FAM184A: variants seen among roughly 807,000 people sequenced by gnomAD.
The protein encoded by FAM184A is family with sequence similarity 184 member A, also known as protein FAM184A.
A neutral mutation model predicts 143.8 loss-of-function variants in FAM184A; 99 were observed. The observed-to-expected ratio is 0.69, with a 90% CI of 0.58 to 0.81. The LOEUF (loss-of-function observed/expected upper bound fraction) is 0.81, where lower values mean the gene tolerates loss of function less well. Ranked by LOEUF, FAM184A falls within the 40% of genes least tolerant of loss-of-function variation. The probability of loss-of-function intolerance (pLI) is 0.00; values close to 1 mark genes in which losing one functional copy is unlikely to be tolerated. For synonymous variants in FAM184A, 427 were observed against 446.4 expected (o/e 0.96, Z 0.55); for missense variants, 1,217 against 1,310.5 (o/e 0.93, Z 1.10).
At chr6:119,081,109 G>A (rs1396613660), upstream of FAM184A, among the ~76,000 whole-genome samples, 1 of 152,176 alleles carries the variant, frequency 6.6e-6, no homozygotes, top group East Asian at 1.9e-4. Context: ...ACCCATTCAT[G>A]AGAACTTTGC....
intron 1 of FAM184A, among the ~76,000 whole-genome samples, chr6:119,058,621 T>C (rs991695233): frequency 6.6e-6 from 1 of 152,202 alleles, no homozygotes; most frequent in South Asian, 2.1e-4. Flanking sequence ...TGGCAGCTTC[T>C]TTCTCAGTTT....
intron 14 of FAM184A, among the ~76,000 whole-genome samples, chr6:118,968,037 C>T (rs1009308214): frequency 9.9e-5 from 15 of 152,048 alleles, no homozygotes; most frequent in Non-Finnish European, 2.1e-4. Flanking sequence ...CATATTAGGC[C>T]CTCTATCCAG....
intron 6 of FAM184A, 192 bp downstream of exon 6, chr6:119,011,117 T>C (rs1785075223): frequency 2.0e-6 from 1 of 496,544 alleles, no homozygotes; most frequent in South Asian, 2.7e-5. Flanking sequence ...TTTAATGTTT[T>C]TGACAGTAAA....
chr6:119,145,948 GA>G (rs1313462154), intron 1 of FAM184A, among the ~76,000 whole-genome samples: 1 of 152,128 alleles, frequency 6.6e-6, no homozygotes, highest in East Asian at 1.9e-4. Context: ...GCTAGAAGTT[GA>G]ACCGAGGCAA....
intron 9 of FAM184A, among the ~76,000 whole-genome samples, chr6:118,980,561 TTTAG>T (rs1177366916): frequency 6.6e-6 from 1 of 152,194 alleles, no homozygotes; most frequent in Non-Finnish European, 1.5e-5. Context: ...CTGAAAATAG[TTTAG>T]TTATATTGTT....
At chr6:119,034,041 T>TAGAGAGAGAGAG (rs57162948) in intron 1 of FAM184A, among the ~76,000 whole-genome samples, 7 of 42,002 alleles carry the variant, frequency 1.7e-4, no homozygotes, top group African/African-American at 7.4e-4. Context: ...TATATATATA[T>TAGAGAGAGAGAG]AGAGAGAGAG....
chr6:119,116,756 A>T (rs1399165549), intron 1 of FAM184A, among the ~76,000 whole-genome samples: 2 of 152,244 alleles, frequency 1.3e-5, no homozygotes, highest in African/African-American at 2.4e-5. Context: ...GCAGAGAAGG[A>T]TTAAGGAGGA....
intron 1 of FAM184A, among the ~76,000 whole-genome samples, chr6:119,112,995 G>A (rs976880657): frequency 6.6e-5 from 10 of 152,116 alleles, no homozygotes; most frequent in African/African-American, 2.4e-4. Context: ...GGAGGGGAAG[G>A]TTTTACTTCC....
At position 118,974,551 on chromosome 6, in the gene FAM184A, T is replaced by C; in HGVS notation, c.2792A>G (p.Lys931Arg). Residue 931 changes from lysine (K) to arginine (R), a missense_variant, in exon 14 of 18, where the codon AAG becomes AGG. Physicochemically the swap from Lys to Arg is conservative, Grantham distance 26 (BLOSUM62 2). Transcript: ENST00000338891. ...QIRLHEQDLN[K>R]RLEKELDVMT... ...GACATCCAACTCTTTTTCAAGTCTC[T>C]TGTTTAAATCTTGTTCATGCAACCT... 6.2e-7 allele frequency: 1 copy of C among 1,607,698 alleles called. No homozygotes were observed. Among genetic ancestry groups the C allele is most frequent in the South Asian group, 1.1e-5 (1 of 88,982 alleles).
At chr6:119,038,903 T>C (rs966693758) in intron 1 of FAM184A, among the ~76,000 whole-genome samples, 3 of 151,722 alleles carry the variant, frequency 2.0e-5, no homozygotes, top group Non-Finnish European at 4.4e-5. Context: ...TGGGAGAAAA[T>C]ATTTGCAAAA....
intron 17 of FAM184A, among the ~76,000 whole-genome samples, chr6:118,961,478 AAAAAT>A (rs1245040983): frequency 3.3e-5 from 5 of 151,850 alleles, no homozygotes; most frequent in Admixed American, 6.6e-5. Flanking sequence ...TGACAATACT[AAAAAT>A]AAAGTAATTG....
At chr6:119,071,860 CTTTTTTTTTT>C in intron 1 of FAM184A, among the ~76,000 whole-genome samples, 1 of 94,170 alleles carries the variant, frequency 1.1e-5, no homozygotes, top group South Asian at 4.7e-4. Context: ...AACCTTTAAT[CTTTTTTTTTT>C]TTTTTTTTTT....
At chr6:119,069,557 T>C (rs1582583199) in intron 1 of FAM184A, among the ~76,000 whole-genome samples, 1 of 152,144 alleles carries the variant, frequency 6.6e-6, no homozygotes, top group Non-Finnish European at 1.5e-5. Flanking sequence ...CGACACTTCA[T>C]TTTATAAGTA....
At chr6:119,024,951 G>C (rs980773074) in intron 1 of FAM184A, 138 bp from the exon 2 acceptor site, 2 of 820,740 alleles carry the variant, frequency 2.4e-6, no homozygotes, top group South Asian at 4.1e-5. Flanking sequence ...ATGGAATCTT[G>C]ATGCAATTGT....
rs1183797691 is a variant in FAM184A at position 118,975,145 on chromosome 6, T to C, written c.2647A>G (p.Ile883Val). Reference protein sequence around the residue: ...QEELRHREHHISELDKEVQHL... With the variant: ...QEELRHREHHVSELDKEVQHL... The stretch of plus-strand genomic sequence containing the variant: ...TGAACCTCCTTATCCAATTCAGAGA[T>C]GTGATGCTCTCTGTGTCTTAATTCC... The change falls in exon 13 of 18, where the codon ATC (isoleucine) becomes GTC (valine). Residue 883 changes from isoleucine (I) to valine (V), a missense_variant. Coordinates refer to ENST00000338891, the MANE Select transcript of FAM184A (RefSeq NM_024581.6). 1.2e-6 allele frequency: 2 copies of C among 1,612,388 alleles called. No homozygotes were observed. Among genetic ancestry groups the C allele is most frequent in the South Asian group, 2.2e-5 (2 of 90,982 alleles).
At chr6:119,104,903 GC>G (rs1788740005) in intron 1 of FAM184A, among the ~76,000 whole-genome samples, 1 of 143,226 alleles carries the variant, frequency 7.0e-6, no homozygotes. Flanking sequence ...GATGAAAATA[GC>G]AGTTGATTTC....
intron 1 of FAM184A, among the ~76,000 whole-genome samples, chr6:119,084,839 CAT>C (rs1788172941): frequency 6.6e-6 from 1 of 152,246 alleles, no homozygotes; most frequent in South Asian, 2.1e-4. Context: ...CCGCAGGCTT[CAT>C]ACCACCAAGG....
At chr6:119,058,955 A>G (rs967708442) in intron 1 of FAM184A, among the ~76,000 whole-genome samples, 1 of 151,434 alleles carries the variant, frequency 6.6e-6, no homozygotes, top group African/African-American at 2.4e-5. Context: ...TTTTATTTTT[A>G]TTTTATATTT....
intron 4 of FAM184A, 101 bp from the exon 5 acceptor site, chr6:119,017,045 A>C: frequency 2.7e-6 from 2 of 730,898 alleles, no homozygotes; most frequent in Non-Finnish European, 4.5e-6. Flanking sequence ...GAATAAACTG[A>C]GTGCTACGGG....
Sources: allele counts gnomAD v4.1 joint callset (sites outside exome capture counted in the v4.1 genomes callset), GRCh38; gene constraint gnomAD v4.1.1; transcripts MANE v1.5; gene names NCBI Gene and HGNC (gene_info 2026-07-23, HGNC 2026-07-21).